The following NECAB2 variants were observed in gnomAD, a reference collection of about 807,000 sequenced individuals.
NECAB2 encodes N-terminal EF-hand calcium binding protein 2.
In NECAB2, 68 loss-of-function variants were observed where a neutral mutation model predicts 51.9. That is an observed-to-expected ratio of 1.31 (90% CI 1.08 to 1.60). The LOEUF (loss-of-function observed/expected upper bound fraction) is 1.60. Among genes scored for constraint, NECAB2 ranks in the 40% most tolerant of loss-of-function variants. The probability of loss-of-function intolerance (pLI) is 0.00; values close to 1 mark genes in which losing one functional copy is unlikely to be tolerated. For synonymous variants in NECAB2, 329 were observed against 203.5 expected (o/e 1.62, Z -5.25); for missense variants, 854 against 490.3 (o/e 1.74, Z -7.00).
At chr16:83,968,927 C>A in intron 1 of NECAB2, 78 bp downstream of exon 1, 1 of 929,426 alleles carries the variant, frequency 1.1e-6, no homozygotes, top group Non-Finnish European at 1.3e-6. Context: ...GGGCGGACCC[C>A]GACGCCGCGA....
chr16:83,997,726 C>T (rs1273617845), intron 9 of NECAB2, among the ~76,000 whole-genome samples: 2 of 151,982 alleles, frequency 1.3e-5, no homozygotes, highest in African/African-American at 4.8e-5. Flanking sequence ...AACTCCTATC[C>T]TCATGATCTG....
At chr16:83,980,794 C>T in intron 3 of NECAB2, 45 bp from the exon 4 acceptor site, 14 of 1,554,790 alleles carry the variant, frequency 9.0e-6, no homozygotes, top group Non-Finnish European at 1.0e-5. Context: ...GCCTGCTAAC[C>T]CCCTCTCTGT....
intron 5 of NECAB2, among the ~76,000 whole-genome samples, chr16:83,987,621 C>T (rs2084572298): frequency 6.6e-6 from 1 of 151,978 alleles, no homozygotes; most frequent in Non-Finnish European, 1.5e-5. Flanking sequence ...TTAACATTTT[C>T]CCTATGTTAC....
At chr16:83,971,419 C>G (rs1321096464) in intron 1 of NECAB2, 1 of 152,250 alleles carries the variant, frequency 6.6e-6, no homozygotes, top group Admixed American at 6.5e-5. Context: ...GAGCCTCAGC[C>G]TGGCAAGCAG....
rs113549154 is a variant in NECAB2, at chr16:83,996,464, C to T, written c.796-752C>T. On this transcript the variant is annotated intron_variant, in intron 8 of 12. Transcript: ENST00000305202. ...TGCTGCTGTTTTCCTTATTAGCTGG[C>T]GTGCTTTACCTGTGGCTGCCCTGTG... is the stretch of plus-strand genomic sequence containing the variant. Among the ~76,000 whole-genome samples, 154 of 152,276 alleles carry T rather than the reference C, an allele frequency of 1.0e-3. 1 individual carries two copies. The highest frequency in any genetic ancestry group is 3.4e-3 in the Middle Eastern group (1 of 294).
intron 5 of NECAB2, among the ~76,000 whole-genome samples, chr16:83,983,422 G>T (rs954062202): frequency 2.0e-5 from 3 of 152,142 alleles, no homozygotes; most frequent in Admixed American, 6.6e-5. Context: ...ATTTTCGAGT[G>T]CATCTCTAGT....
intron 1 of NECAB2, among the ~76,000 whole-genome samples, chr16:83,969,259 C>G (rs1384844369): frequency 1.3e-5 from 2 of 152,084 alleles, no homozygotes; most frequent in Admixed American, 1.3e-4. Context: ...CGGAGCGATA[C>G]TTTTCTGAGA....
rs1597226858 is a variant in NECAB2 at position 83,998,185 on chromosome 16, A to C, written c.850-20A>C. On this transcript the variant is annotated intron_variant, in intron 9 of 12. Coordinates refer to ENST00000305202, the MANE Select transcript of NECAB2 (RefSeq NM_019065.3). ...AGGCCTGACGTGGAGCCCCACACTG[A>C]CTCCTGCTGTGCCCGGCAGCACCTG... 2 of 1,602,078 alleles carry C rather than the reference A, an allele frequency of 1.2e-6. No homozygotes were observed. The highest frequency in any genetic ancestry group is 1.1e-5 in the South Asian group (1 of 90,538).
chr16:84,000,792 C>T lies in NECAB2; in HGVS notation c.1031C>T (p.Ala344Val), dbSNP rs758927860. The T allele has an allele frequency of 2.0e-5, 33 of 1,613,190 alleles. No individual in the cohort carries two copies. The highest frequency in any genetic ancestry group is 5.3e-5 in the African/African-American group (4 of 74,802). Reference sequence around the variant, plus strand: ...TATGAGTTCTGGGAGACAGAGGAGGCGTGGAAGAGGTGAGATGCTGGGTCC... The same window carrying T: ...TATGAGTTCTGGGAGACAGAGGAGGTGTGGAAGAGGTGAGATGCTGGGTCC... Reference protein sequence around the residue: ...VIYEFWETEEAWKRHLQSPLC... With the variant: ...VIYEFWETEEVWKRHLQSPLC... Residue 344 changes from alanine to valine, a missense_variant, in exon 11 of 13, where the codon GCG becomes GTG. Coordinates refer to ENST00000305202, the MANE Select transcript of NECAB2 (RefSeq NM_019065.3).
chr16:84,002,456 C>A lies in NECAB2; in HGVS notation c.*110C>A. 1 of 1,397,716 alleles carries A rather than the reference C, an allele frequency of 7.2e-7. No individual in the cohort carries two copies. Among genetic ancestry groups the A allele is most frequent in the Non-Finnish European group, 1.0e-6 (1 of 992,442 alleles). 86.6% of individuals were successfully genotyped at this position (1,397,716 alleles called of 1,614,324 possible). A position where few individuals can be genotyped will look rare whatever the true frequency, so the allele number is the denominator to read the frequency against. On this transcript the variant is annotated 3_prime_UTR_variant, in exon 13 of 13. Transcript: ENST00000305202. The stretch of plus-strand genomic sequence containing the variant: ...GTGCAGAAGCTTCTTTTCAATCCAT[C>A]CTCCACAAGAAGGTGTTTCCCTGTT...
At chr16:83,972,081 C>G (rs1405430242) in intron 1 of NECAB2, 70 bp from the exon 2 acceptor site, 2 of 1,597,170 alleles carry the variant, frequency 1.3e-6, no homozygotes, top group South Asian at 2.2e-5. Context: ...ATCCCAGTAT[C>G]CGGTCAGAGG....
At chr16:83,999,683 G>A (rs1272052735) in intron 10 of NECAB2, among the ~76,000 whole-genome samples, 1 of 152,106 alleles carries the variant, frequency 6.6e-6, no homozygotes, top group Non-Finnish European at 1.5e-5. Flanking sequence ...CCTTTAAAAT[G>A]ACGTGAGTGC....
chr16:83,992,377 T>TCCCCACCCCCCCCCCC (rs1555548085), intron 6 of NECAB2, among the ~76,000 whole-genome samples: 2 of 133,046 alleles, frequency 1.5e-5, no homozygotes, highest in African/African-American at 6.4e-5. Context: ...CGAGCACCCG[T>TCCCCACCCCCCCCCCC]CCCCCCGCCC....
chr16:83,999,949 G>C (rs1462766663), intron 10 of NECAB2, among the ~76,000 whole-genome samples: 1 of 152,174 alleles, frequency 6.6e-6, no homozygotes, highest in South Asian at 2.1e-4. Context: ...TGTAGTAGTG[G>C]AAGCTCAGCT....
Position 83,998,240 on chromosome 16 carries a change from C to T in NECAB2, c.885C>T (p.Cys295=), listed in dbSNP as rs751574334. The change falls in exon 10 of 13, where the codon TGC becomes TGT. Residue 295 remains cysteine (C), a synonymous_variant. Transcript: ENST00000305202. Reference sequence around the variant, plus strand: ...TGGTCCGGCAGGAGATGGCCGTGTGCCCCGAGCAACTGAGCGAGTTTCTGG... The same window carrying T: ...TGGTCCGGCAGGAGATGGCCGTGTGTCCCGAGCAACTGAGCGAGTTTCTGG... ...LQLVRQEMAV[C]PEQLSEFLDS... 6.2e-6 allele frequency: 10 copies of T among 1,612,142 alleles called. No homozygotes were observed. The highest frequency in any genetic ancestry group is 3.3e-5 in the South Asian group (3 of 91,076).
At position 83,968,577 on chromosome 16, in the gene NECAB2, G is replaced by A. The variant is rs941542468; in HGVS notation, c.-72G>A. ...GGCGGCGCGGGCAGCGCGGGGAGGG[G>A]GTCGCGCGGGGGCGGGCCGCAGCTG... On this transcript the variant is annotated 5_prime_UTR_variant, in exon 1 of 13. Coordinates refer to ENST00000305202, the MANE Select transcript of NECAB2 (RefSeq NM_019065.3). 2.1e-6 allele frequency: 2 copies of A among 963,686 alleles called. No individual in the cohort carries two copies. The highest frequency in any genetic ancestry group is 6.4e-5 in the Admixed American group (1 of 15,660). The allele number at this position is 963,686 out of a possible 1,614,324, so 59.7% of individuals were successfully genotyped here. A position where few individuals can be genotyped will look rare whatever the true frequency, so the allele number is the denominator to read the frequency against.
At chr16:83,991,313 C>G (rs1156335299) in intron 6 of NECAB2, among the ~76,000 whole-genome samples, 3 of 151,288 alleles carry the variant, frequency 2.0e-5, no homozygotes, top group Admixed American at 6.6e-5. Flanking sequence ...CTCTTTCTTT[C>G]TCTCTTTCTC....
chr16:83,987,367 G>A (rs1224421001), intron 5 of NECAB2, among the ~76,000 whole-genome samples: 1 of 152,050 alleles, frequency 6.6e-6, no homozygotes, highest in African/African-American at 2.4e-5. Context: ...GTTTCTAATG[G>A]TTTTCCTTTC....
upstream of NECAB2, among the ~76,000 whole-genome samples, chr16:83,967,853 G>A (rs1330787038): frequency 1.3e-5 from 2 of 150,798 alleles, no homozygotes; most frequent in Non-Finnish European, 3.0e-5. Context: ...TGGGTGGGTG[G>A]ATGGATGGAT....
Sources: allele counts gnomAD v4.1 joint callset (sites outside exome capture counted in the v4.1 genomes callset), GRCh38; gene constraint gnomAD v4.1.1; transcripts MANE v1.5; gene names NCBI Gene and HGNC (gene_info 2026-07-23, HGNC 2026-07-21).